PLPPR1: variants seen among roughly 807,000 people sequenced by gnomAD.
PLPPR1 encodes the protein phospholipid phosphatase-related protein type 1.
PLPPR1 carries 10 observed loss-of-function variants against 33.1 expected under a neutral mutation model. The observed-to-expected ratio is 0.30, with a 90% CI of 0.19 to 0.51. PLPPR1 has a LOEUF of 0.51. Ranked by LOEUF, PLPPR1 falls within the 20% of genes least tolerant of loss-of-function variation. The pLI is 0.97. For missense variants in PLPPR1, 304 were observed against 408.1 expected (o/e 0.74, Z 2.20); for synonymous variants, 151 against 151.0 (o/e 1.00, Z 0.00).
intron 1 of PLPPR1, among the ~76,000 whole-genome samples, chr9:101,043,832 A>C (rs1374738740): frequency 6.6e-6 from 1 of 151,898 alleles, no homozygotes; most frequent in Non-Finnish European, 1.5e-5. Context: ...ATTTTTTGAT[A>C]ATGGCCATTC....
At chr9:101,307,335 C>T (rs753425467) in intron 4 of PLPPR1, among the ~76,000 whole-genome samples, 1 of 152,204 alleles carries the variant, frequency 6.6e-6, no homozygotes, top group Non-Finnish European at 1.5e-5. Flanking sequence ...AAGGGAGATC[C>T]TGCCACTTTT....
chr9:101,305,047 G>T (rs990896729), intron 4 of PLPPR1, among the ~76,000 whole-genome samples: 4 of 152,274 alleles, frequency 2.6e-5, no homozygotes, highest in Middle Eastern at 3.4e-3. Flanking sequence ...CATCCAGTGG[G>T]GAGACAGAAG....
chr9:101,312,315 G>C (rs987856589), intron 5 of PLPPR1, among the ~76,000 whole-genome samples: 2 of 152,142 alleles, frequency 1.3e-5, no homozygotes, highest in African/African-American at 4.8e-5. Context: ...CTGAAGGTGT[G>C]ACAAAGCAAC....
intron 1 of PLPPR1, among the ~76,000 whole-genome samples, chr9:101,078,431 A>G (rs1022979165): frequency 6.6e-6 from 1 of 152,056 alleles, no homozygotes; most frequent in Non-Finnish European, 1.5e-5. Flanking sequence ...GATCTCCTTG[A>G]GAATCTCTAG....
chr9:101,104,517 A>G (rs1196761004), intron 1 of PLPPR1, among the ~76,000 whole-genome samples: 1 of 128,568 alleles, frequency 7.8e-6, no homozygotes, highest in African/African-American at 3.3e-5. Flanking sequence ...CATGGTGGAT[A>G]AGCTTTTTGA....
At chr9:101,039,457 C>T (rs1830049900) in intron 1 of PLPPR1, among the ~76,000 whole-genome samples, 1 of 152,148 alleles carries the variant, frequency 6.6e-6, no homozygotes, top group East Asian at 1.9e-4. Flanking sequence ...CCATGATATA[C>T]AGCTATAAGG....
chr9:101,233,487 T>TTTGTCCCCTTCAAAATTCATAGTGAA (rs1468846250), intron 2 of PLPPR1, among the ~76,000 whole-genome samples: 3 of 151,912 alleles, frequency 2.0e-5, no homozygotes, highest in African/African-American at 7.2e-5. Flanking sequence ...GGCTTTAATG[T>TTTGTCCCCTTCAAAATTCATAGTGAA]TTGTCCCCTT....
intron 7 of PLPPR1, among the ~76,000 whole-genome samples, chr9:101,318,731 G>A (rs114362155): frequency 0.036 from 5,507 of 152,030 alleles, 346 homozygotes; most frequent in African/African-American, 0.12. Context: ...CTGTGATCGC[G>A]CCACTGCACT....
In PLPPR1 at chr9:101,203,885, G is replaced by A. The variant is rs565726891; in HGVS notation, c.63+18328G>A. Among the ~76,000 whole-genome samples, 112 of 152,048 alleles carry A rather than the reference G, an allele frequency of 7.4e-4. 1 individual carries two copies. Among genetic ancestry groups the A allele is most frequent in the African/African-American group, 2.6e-3 (106 of 41,508 alleles). ...CAAATATTCTCTACCACTTGGAAAT[G>A]AGAATGTGTTTTCCATGTAGGATCA... On this transcript the variant is annotated intron_variant, in intron 2 of 7. Transcript: ENST00000374874.
chr9:101,312,883 T>A lies in PLPPR1; in HGVS notation c.722T>A (p.Leu241Gln). The A allele has an allele frequency of 2.5e-6, 4 of 1,614,188 alleles. No homozygotes were observed. Among genetic ancestry groups the A allele is most frequent in the Non-Finnish European group, 3.4e-6 (4 of 1,180,026 alleles). The stretch of plus-strand genomic sequence containing the variant: ...CTCGGAACTCTCTGCACAGCCTTCC[T>A]GACAGGCCTCAACCGGGTCTCTGAG... The part of the protein sequence containing the change: ...LCLGTLCTAF[L>Q]TGLNRVSEYR... Residue 241 changes from leucine to glutamine, a missense_variant, in exon 6 of 8, where the codon CTG becomes CAG. Leu to Gln is a moderately radical substitution (Grantham distance 113). Transcript: ENST00000374874.
At chr9:101,305,650 C>G (rs145554655) in intron 4 of PLPPR1, among the ~76,000 whole-genome samples, 282 of 152,244 alleles carry the variant, frequency 1.9e-3, no homozygotes, top group African/African-American at 6.5e-3. Context: ...CAGTCTGGTT[C>G]TGTACTTTTC....
intron 1 of PLPPR1, among the ~76,000 whole-genome samples, chr9:101,143,403 C>T (rs374045291): frequency 1.6e-4 from 25 of 152,206 alleles, no homozygotes; most frequent in Non-Finnish European, 2.9e-4. Flanking sequence ...CTTCATCTCT[C>T]AGAATGTGAC....
At chr9:101,299,309 C>T (rs776650176) in intron 4 of PLPPR1, among the ~76,000 whole-genome samples, 24 of 152,202 alleles carry the variant, frequency 1.6e-4, no homozygotes, top group Non-Finnish European at 3.4e-4. Flanking sequence ...ATGTTTGCTG[C>T]TTCCTACTAG....
At chr9:101,180,655 A>G (rs1031083301) in intron 1 of PLPPR1, among the ~76,000 whole-genome samples, 2 of 145,970 alleles carry the variant, frequency 1.4e-5, no homozygotes, top group African/African-American at 5.1e-5. Context: ...AGTCTCTTCA[A>G]TAAATGGTGT....
intron 2 of PLPPR1, among the ~76,000 whole-genome samples, chr9:101,234,550 T>A (rs10989446): frequency 0.057 from 8,445 of 148,384 alleles, 263 homozygotes; most frequent in African/African-American, 0.079. Flanking sequence ...TGTATTTTTT[T>A]AAAAAAAAAA....
At chr9:101,242,929 T>G in intron 2 of PLPPR1, among the ~76,000 whole-genome samples, 1 of 152,022 alleles carries the variant, frequency 6.6e-6, no homozygotes, top group East Asian at 1.9e-4. Flanking sequence ...AAAATAAGGC[T>G]CTAAGTGAAC....
At chr9:101,147,355 A>G (rs1831533202) in intron 1 of PLPPR1, among the ~76,000 whole-genome samples, 1 of 152,112 alleles carries the variant, frequency 6.6e-6, no homozygotes, top group Admixed American at 6.6e-5. Flanking sequence ...GAAGGCACCT[A>G]TTTCTTCATA....
chr9:101,207,761 T>G (rs1826617117), intron 2 of PLPPR1, among the ~76,000 whole-genome samples: 1 of 152,196 alleles, frequency 6.6e-6, no homozygotes, highest in African/African-American at 2.4e-5. Context: ...AGAAGAATTC[T>G]GTGCCTCTGA....
intron 2 of PLPPR1, among the ~76,000 whole-genome samples, chr9:101,245,060 A>G (rs1827561879): frequency 6.6e-6 from 1 of 151,972 alleles, no homozygotes; most frequent in Non-Finnish European, 1.5e-5. Flanking sequence ...GAATTCTAAA[A>G]CCCTGCTGCT....
Sources: gnomAD v4.1 joint callset for allele counts (sites outside exome capture counted in the v4.1 genomes callset) on GRCh38, gnomAD v4.1.1 for gene constraint, MANE v1.5 for transcripts, NCBI Gene and HGNC (gene_info 2026-07-23, HGNC 2026-07-21) for gene names.